CLSTN2: variants seen among roughly 807,000 people sequenced by gnomAD.
The protein encoded by CLSTN2 is calsyntenin-2.
A neutral mutation model predicts 101.2 loss-of-function variants in CLSTN2; 48 were observed. The observed-to-expected ratio is 0.47, with a 90% confidence interval of 0.38 to 0.60. The LOEUF (loss-of-function observed/expected upper bound fraction) is 0.60. CLSTN2 is among the 20% of genes least tolerant of loss of function. The pLI is 0.00. For synonymous variants in CLSTN2, 481 were observed against 463.6 expected (o/e 1.04, Z -0.48); for missense variants, 1,160 against 1,238.2 (o/e 0.94, Z 0.95).
At chr3:140,486,610 G>A (rs1934246265) in intron 8 of CLSTN2, among the ~76,000 whole-genome samples, 1 of 152,116 alleles carries the variant, frequency 6.6e-6, no homozygotes, top group Non-Finnish European at 1.5e-5. Flanking sequence ...AGTACTCCCA[G>A]GCAAAAAACT....
intron 8 of CLSTN2, among the ~76,000 whole-genome samples, chr3:140,526,311 A>G (rs888768210): frequency 6.6e-6 from 1 of 152,090 alleles, no homozygotes; most frequent in Non-Finnish European, 1.5e-5. Context: ...AATCCCATCT[A>G]CAATAGCCAC....
chr3:140,556,311 A>G (rs985333440), intron 10 of CLSTN2, among the ~76,000 whole-genome samples: 1 of 152,172 alleles, frequency 6.6e-6, no homozygotes, highest in Non-Finnish European at 1.5e-5. Context: ...CTCATAGGAA[A>G]GGGCCGCAAA....
At chr3:140,343,030 A>G (rs1359995972) in intron 2 of CLSTN2, among the ~76,000 whole-genome samples, 1 of 152,158 alleles carries the variant, frequency 6.6e-6, no homozygotes, top group Admixed American at 6.5e-5. Context: ...AGGAGTAGTC[A>G]AAGTCACATT....
rs145040041 is a variant in CLSTN2, at chr3:139,941,208, G to A, written c.109+5725G>A. On this transcript the variant is annotated intron_variant, in intron 1 of 16. Coordinates refer to ENST00000458420, the MANE Select transcript of CLSTN2 (RefSeq NM_022131.3). ...CTGGGAAAGACAGGTTTTGAGGGTA[G>A]ACCATGGGGAGGCCTGAGCTGGGGA... 3.3e-5 allele frequency among the ~76,000 whole-genome samples: 5 copies of A among 152,232 alleles called. No individual in the cohort carries two copies. In the East Asian group the frequency reaches 9.7e-4, roughly 29 times the overall value.
At chr3:140,492,544 G>A (rs1449817827) in intron 8 of CLSTN2, among the ~76,000 whole-genome samples, 2 of 152,156 alleles carry the variant, frequency 1.3e-5, no homozygotes, top group Non-Finnish European at 2.9e-5. Flanking sequence ...TTGAAATACA[G>A]GACTAAATCC....
intron 8 of CLSTN2, among the ~76,000 whole-genome samples, chr3:140,499,931 G>C (rs2107761785): frequency 6.6e-6 from 1 of 152,268 alleles, no homozygotes; most frequent in South Asian, 2.1e-4. Flanking sequence ...GCCGGGCATG[G>C]TGGCGGGAGC....
intron 2 of CLSTN2, among the ~76,000 whole-genome samples, 172 bp downstream of exon 2, chr3:140,176,245 G>A (rs4336075): frequency 0.33 from 50,932 of 152,052 alleles, 9,377 homozygotes; most frequent in African/African-American, 0.46. Context: ...GATTCTGGCT[G>A]TCCTTATGTT....
intron 1 of CLSTN2, among the ~76,000 whole-genome samples, chr3:140,083,288 T>C (rs929337922): frequency 1.3e-5 from 2 of 152,246 alleles, no homozygotes; most frequent in African/African-American, 4.8e-5. Flanking sequence ...GTCTACTATG[T>C]TGCTATCTGA....
intron 1 of CLSTN2, among the ~76,000 whole-genome samples, chr3:140,037,853 A>G (rs929918043): frequency 2.0e-5 from 3 of 152,188 alleles, no homozygotes; most frequent in Non-Finnish European, 2.9e-5. Context: ...AAATCTATCC[A>G]TGTGCCTCCA....
intron 8 of CLSTN2, among the ~76,000 whole-genome samples, chr3:140,512,573 T>G (rs763479141): frequency 2.0e-5 from 3 of 152,114 alleles, no homozygotes; most frequent in Non-Finnish European, 4.4e-5. Flanking sequence ...TTATTCTTTT[T>G]CTTAGGATTA....
At chr3:140,118,181 G>T (rs2009278151) in intron 1 of CLSTN2, among the ~76,000 whole-genome samples, 1 of 152,036 alleles carries the variant, frequency 6.6e-6, no homozygotes. Flanking sequence ...AAAGAGAGAG[G>T]CTTCAGAAGA....
At chr3:140,072,712 G>A (rs975105912) in intron 1 of CLSTN2, among the ~76,000 whole-genome samples, 1 of 152,182 alleles carries the variant, frequency 6.6e-6, no homozygotes, top group African/African-American at 2.4e-5. Context: ...GTTTTAATGA[G>A]CTGTCACTGA....
chr3:140,347,816 A>G (rs887187918), intron 2 of CLSTN2, among the ~76,000 whole-genome samples: 14 of 152,224 alleles, frequency 9.2e-5, no homozygotes, highest in Non-Finnish European at 1.9e-4. Flanking sequence ...TAAAGAATTT[A>G]TATGTGGAAT....
intron 5 of CLSTN2, among the ~76,000 whole-genome samples, chr3:140,432,402 TC>T (rs773845433): frequency 1.3e-5 from 2 of 152,168 alleles, no homozygotes; most frequent in Non-Finnish European, 2.9e-5. Context: ...GAGTACTTTT[TC>T]CTCAAATAAT....
chr3:140,411,797 C>G (rs1050329527), intron 4 of CLSTN2, among the ~76,000 whole-genome samples: 1 of 152,160 alleles, frequency 6.6e-6, no homozygotes, highest in Non-Finnish European at 1.5e-5. Flanking sequence ...GGCAGCCTTG[C>G]CATTAGAAAT....
intron 8 of CLSTN2, among the ~76,000 whole-genome samples, chr3:140,470,821 G>A (rs774871719): frequency 4.6e-5 from 7 of 152,114 alleles, no homozygotes. Context: ...TATGTTAGAA[G>A]CCCCCCAGGA....
chr3:140,330,358 C>T (rs531430209), intron 2 of CLSTN2, among the ~76,000 whole-genome samples: 1 of 152,292 alleles, frequency 6.6e-6, no homozygotes, highest in East Asian at 1.9e-4. Flanking sequence ...AAAGTTATTG[C>T]TCCTGTTGGT....
intron 1 of CLSTN2, among the ~76,000 whole-genome samples, chr3:140,112,391 A>G (rs1473553679): frequency 1.3e-5 from 2 of 151,902 alleles, no homozygotes; most frequent in Admixed American, 1.3e-4. Context: ...ACTCCAAATA[A>G]TGACTTTTCT....
At chr3:140,257,787 T>C (rs899017062) in intron 2 of CLSTN2, among the ~76,000 whole-genome samples, 1 of 152,132 alleles carries the variant, frequency 6.6e-6, no homozygotes, top group Admixed American at 6.6e-5. Context: ...TTTGCTGATA[T>C]AAACATAAAT....
Sources: allele counts gnomAD v4.1 joint callset (sites outside exome capture counted in the v4.1 genomes callset), GRCh38; gene constraint gnomAD v4.1.1; transcripts MANE v1.5; gene names NCBI Gene and HGNC (gene_info 2026-07-23, HGNC 2026-07-21).